TMEM178A: variants seen among roughly 807,000 people sequenced by gnomAD.
TMEM178A encodes transmembrane protein 178.
TMEM178A carries 12 observed loss-of-function variants against 29.1 expected under a neutral mutation model. The ratio of observed to expected loss-of-function variants is 0.41; its 90% confidence interval spans 0.26 to 0.67. TMEM178A has a LOEUF of 0.67. Ranked by LOEUF, TMEM178A falls within the 30% of genes least tolerant of loss-of-function variation. The pLI, the probability that TMEM178A is intolerant of heterozygous loss-of-function variation, is 0.29. For missense variants in TMEM178A, 366 were observed against 419.1 expected, an observed-to-expected ratio of 0.87 and a Z score of 1.11; for synonymous variants, 210 against 187.2, an observed-to-expected ratio of 1.12 and a Z score of -0.99.
At chr2:39,714,245 G>C (rs1244238020) in intron 3 of TMEM178A, among the ~76,000 whole-genome samples, 3 of 152,028 alleles carry the variant, frequency 2.0e-5, no homozygotes, top group Non-Finnish European at 4.4e-5. Context: ...TGGAGAGAGG[G>C]GATGGATTTT....
chr2:39,726,100 GA>G, the TMEM178A span, among the ~76,000 whole-genome samples: 1 of 152,194 alleles, frequency 6.6e-6, no homozygotes, highest in Admixed American at 6.5e-5. Context: ...TTCCTTCAGG[GA>G]AAGATAATTT....
chr2:39,710,729 G>A (rs751379921), intron 3 of TMEM178A, among the ~76,000 whole-genome samples: 5 of 152,198 alleles, frequency 3.3e-5, no homozygotes, highest in Non-Finnish European at 5.9e-5. Context: ...TTTTAATTAA[G>A]CAGAATGTCT....
intron 3 of TMEM178A, among the ~76,000 whole-genome samples, chr2:39,713,708 C>T (rs1481665608): frequency 6.6e-6 from 1 of 152,194 alleles, no homozygotes; most frequent in African/African-American, 2.4e-5. Context: ...TTAAGCCACC[C>T]AGTCCGTGGT....
chr2:39,665,898 C>A (rs1670123373), upstream of TMEM178A: 8 of 1,238,998 alleles, frequency 6.5e-6, no homozygotes, highest in Non-Finnish European at 7.2e-6. Context: ...AGGGAGCGGG[C>A]GGAGAGCTGG....
chr2:39,698,302 G>A (rs1671639247), intron 1 of TMEM178A, among the ~76,000 whole-genome samples: 1 of 152,084 alleles, frequency 6.6e-6, no homozygotes, highest in Non-Finnish European at 1.5e-5. Flanking sequence ...TCTGAGCTTC[G>A]GATTCTTTTA....
At chr2:39,727,618 C>T in the TMEM178A span, among the ~76,000 whole-genome samples, 3 of 152,096 alleles carry the variant, frequency 2.0e-5, no homozygotes, top group African/African-American at 7.2e-5. Context: ...GCACAATGTG[C>T]AGGTTCGTTA....
intron 2 of TMEM178A, among the ~76,000 whole-genome samples, chr2:39,705,676 C>T (rs184897252): frequency 3.3e-5 from 5 of 152,292 alleles, no homozygotes; most frequent in Admixed American, 6.5e-5. Context: ...GGCTAAGGTG[C>T]TAAGAGCAAG....
intron 3 of TMEM178A, among the ~76,000 whole-genome samples, chr2:39,715,688 A>G (rs141789668): frequency 0.03 from 4,571 of 152,312 alleles, 90 homozygotes; most frequent in Non-Finnish European, 0.039. Context: ...TGTCCTTTTA[A>G]TTTAGAACAT....
chr2:39,727,118 C>G, the TMEM178A span, among the ~76,000 whole-genome samples: 1 of 152,194 alleles, frequency 6.6e-6, no homozygotes, highest in Non-Finnish European at 1.5e-5. Context: ...GTGGTTTCAT[C>G]CCTCCATTTC....
At chr2:39,666,619 C>G (rs780074190) in intron 1 of TMEM178A, among the ~76,000 whole-genome samples, 3 of 152,080 alleles carry the variant, frequency 2.0e-5, no homozygotes, top group African/African-American at 4.8e-5. Flanking sequence ...AAGTCCGTGC[C>G]GCACCTCCCG....
chr2:39,676,582 T>C (rs1176729435), intron 1 of TMEM178A, among the ~76,000 whole-genome samples: 10 of 152,234 alleles, frequency 6.6e-5, no homozygotes, highest in Admixed American at 3.3e-4. Context: ...GCAAGTGGAA[T>C]GGACCATGAT....
chr2:39,705,740 A>C (rs1672001429), intron 2 of TMEM178A, among the ~76,000 whole-genome samples: 1 of 152,226 alleles, frequency 6.6e-6, no homozygotes, highest in Non-Finnish European at 1.5e-5. Context: ...GCTGCCCAGG[A>C]GCCACACAAA....
chr2:39,721,816 C>A (rs953760488), downstream of TMEM178A, among the ~76,000 whole-genome samples: 1 of 151,768 alleles, frequency 6.6e-6, no homozygotes, highest in Non-Finnish European at 1.5e-5. Context: ...CAAATAGAGC[C>A]TGTCTCTATA....
chr2:39,704,322 TG>T (rs1384874718), intron 2 of TMEM178A, 128 bp downstream of exon 2: 1 of 732,372 alleles, frequency 1.4e-6, no homozygotes, highest in East Asian at 2.7e-5. Context: ...CCCAATCAGA[TG>T]TGGTCAGAGA....
Position 39,666,167 on chromosome 2 carries a change from C to A in TMEM178A, c.193C>A (p.Leu65Met). The A allele has an allele frequency of 2.0e-6, 3 of 1,489,824 alleles. No homozygotes were observed. Among genetic ancestry groups the A allele is most frequent in the Non-Finnish European group, 2.7e-6 (3 of 1,125,268 alleles). The allele number at this position is 1,489,824 out of a possible 1,614,324, so 92.3% of individuals were successfully genotyped here. ...GAACCGCCTGATGCCGCTGTCGCAC[C>A]TGCCGCTGCGGGACTCGCCCCCGCT... ...QKNRLMPLSH[L>M]PLRDSPPLGR... The change falls in exon 1 of 4, where the codon CTG becomes ATG. Residue 65 changes from leucine to methionine, a missense_variant. By Grantham distance (15) the Leu-to-Met change is conservative (BLOSUM62 2). Around this residue, in one of 2 missense-constraint regions of TMEM178A, gnomAD observed 247 missense variants for 246.8 expected, o/e 1.00. Transcript: ENST00000281961.
intron 1 of TMEM178A, among the ~76,000 whole-genome samples, chr2:39,695,802 G>A (rs543728838): frequency 3.3e-5 from 5 of 152,156 alleles, no homozygotes; most frequent in Middle Eastern, 3.4e-3. Flanking sequence ...CTGAGGGACC[G>A]CGTGTGATTT....
chr2:39,673,127 A>T (rs1185322949), intron 1 of TMEM178A, among the ~76,000 whole-genome samples: 2 of 152,118 alleles, frequency 1.3e-5, no homozygotes, highest in Non-Finnish European at 2.9e-5. Context: ...CATGCCAGCA[A>T]ACCACGACCT....
chr2:39,724,140 C>A, the TMEM178A span, among the ~76,000 whole-genome samples: 1 of 152,172 alleles, frequency 6.6e-6, no homozygotes. Flanking sequence ...TTGGCACTTC[C>A]CCCACAGAAC....
At chr2:39,719,328 G>A (rs1417180567), downstream of TMEM178A, among the ~76,000 whole-genome samples, 2 of 152,232 alleles carry the variant, frequency 1.3e-5, no homozygotes, top group Non-Finnish European at 2.9e-5. Context: ...TTTCAGAGAA[G>A]TTTCCTAGGG....
Sources: allele counts gnomAD v4.1 joint callset (sites outside exome capture counted in the v4.1 genomes callset), GRCh38; gene constraint gnomAD v4.1.1; regional missense constraint gnomAD v4.1.1; transcripts MANE v1.5; gene names NCBI Gene and HGNC (gene_info 2026-07-23, HGNC 2026-07-21).